Variants in AAK1 observed in about 807,000 individuals in gnomAD.
AAK1 encodes the protein AP2 associated kinase 1, also known as AP2-associated protein kinase 1.
Under a neutral mutation model 116.0 loss-of-function variants are expected in AAK1, and 37 were observed. That is an observed-to-expected ratio of 0.32 (90% CI 0.25 to 0.42). The LOEUF is 0.42. Ranked by LOEUF, AAK1 falls within the 10% of genes least tolerant of loss-of-function variation. AAK1 has a pLI of 1.00. For synonymous variants in AAK1, 458 were observed against 439.9 expected (o/e 1.04, Z -0.51); for missense variants, 919 against 1,170.6 (o/e 0.79, Z 3.14).
intron 2 of AAK1, among the ~76,000 whole-genome samples, chr2:69,592,783 A>C (rs1254549014): frequency 6.6e-6 from 1 of 152,328 alleles, no homozygotes; most frequent in Admixed American, 6.5e-5. Context: ...CTCATTTAAC[A>C]TCTCTTCTTC....
At chr2:69,498,480 C>T (rs1472080698) in intron 16 of AAK1, among the ~76,000 whole-genome samples, 4 of 152,160 alleles carry the variant, frequency 2.6e-5, no homozygotes, top group East Asian at 3.8e-4. Context: ...CCACATTTCT[C>T]GTAGTCAGTG....
intron 17 of AAK1, among the ~76,000 whole-genome samples, chr2:69,484,943 GA>G (rs1292682154): frequency 2.0e-5 from 3 of 151,430 alleles, no homozygotes; most frequent in African/African-American, 7.3e-5. Flanking sequence ...TCAGTTGCAG[GA>G]AAAAAACCCT....
chr2:69,626,152 C>A (rs1207251576), intron 2 of AAK1, among the ~76,000 whole-genome samples: 1 of 152,102 alleles, frequency 6.6e-6, no homozygotes, highest in Non-Finnish European at 1.5e-5. Flanking sequence ...AATGATACCC[C>A]AGTACTGTAT....
intron 5 of AAK1, among the ~76,000 whole-genome samples, chr2:69,532,832 T>A (rs1033507403): frequency 6.6e-6 from 1 of 152,214 alleles, no homozygotes; most frequent in East Asian, 1.9e-4. Flanking sequence ...TTGCCCTAAT[T>A]TTTTAAATAA....
In AAK1 at chr2:69,472,680, T is replaced by A; in HGVS notation, c.*3189A>T. 1.0e-6 allele frequency: 1 copy of A among 985,460 alleles called. No homozygotes were observed. Among genetic ancestry groups the A allele is most frequent in the Non-Finnish European group, 1.2e-6 (1 of 829,918 alleles). 61.0% of individuals were successfully genotyped at this position (985,460 alleles called of 1,614,324 possible). On this transcript the variant is annotated 3_prime_UTR_variant, in exon 22 of 22. Coordinates refer to ENST00000409085, the MANE Select transcript of AAK1 (RefSeq NM_014911.5). ...AAAGGGAAAAATCAATTTGTCATGT[T>A]TTCTGCTATAGTTACTCCTCTTACA...
At chr2:69,506,867 C>CCT (rs1224432529) in intron 15 of AAK1, among the ~76,000 whole-genome samples, 7 of 86,176 alleles carry the variant, frequency 8.1e-5, no homozygotes, top group African/African-American at 3.9e-4. Context: ...TGTGCATGTG[C>CCT]CTGTGTGTGT....
intron 2 of AAK1, among the ~76,000 whole-genome samples, chr2:69,565,986 T>C (rs1219620003): frequency 9.9e-6 from 1 of 100,976 alleles, no homozygotes; most frequent in African/African-American, 3.8e-5. Context: ...CAGGTGGGAG[T>C]GTGTCCTCTC....
In AAK1 at chr2:69,460,421, A is replaced by G. The variant is rs1487582147; in HGVS notation, c.*15448T>C. The G allele has an allele frequency of 6.6e-6, 1 of 152,630 alleles. No individual in the cohort carries two copies. Among genetic ancestry groups the G allele is most frequent in the African/African-American group, 2.4e-5 (1 of 41,440 alleles). 9.5% of individuals were successfully genotyped at this position (152,630 alleles called of 1,614,324 possible). A position where few individuals can be genotyped will look rare whatever the true frequency, so the allele number is the denominator to read the frequency against. ...ATTTCCTTGTCAGATCACTCTGATG[A>G]TTATAATCTGCTACTTTGATTATGC... On this transcript the variant is annotated 3_prime_UTR_variant, in exon 22 of 22. Coordinates refer to ENST00000409085, the MANE Select transcript of AAK1 (RefSeq NM_014911.5).
rs536489771 is a variant in AAK1 at position 69,536,972 on chromosome 2, G to A, written c.535-4810C>T. 9.3e-4 allele frequency among the ~76,000 whole-genome samples: 142 copies of A among 152,316 alleles called. No homozygotes were observed. In the Middle Eastern group the frequency reaches 0.01, roughly 11 times the overall value. ...CTTTTGACATGAATGTGCATGTTAA[G>A]CCTTAACCCTTTCTTCTCCTTTCTT... On this transcript the variant is annotated intron_variant, in intron 5 of 21. Transcript: ENST00000409085.
intron 2 of AAK1, among the ~76,000 whole-genome samples, chr2:69,568,724 CCCT>C (rs1558968650): frequency 6.6e-6 from 1 of 152,206 alleles, no homozygotes; most frequent in Non-Finnish European, 1.5e-5. Flanking sequence ...TCTGCCCTGA[CCCT>C]CCTATGTTCT....
chr2:69,620,215 T>C (rs188950483), intron 2 of AAK1, among the ~76,000 whole-genome samples: 1 of 152,290 alleles, frequency 6.6e-6, no homozygotes, highest in Admixed American at 6.5e-5. Flanking sequence ...TCTGATAAAC[T>C]GAATGACAAG....
Position 69,514,483 on chromosome 2 carries a change from G to T in AAK1, c.1764C>A (p.Ala588=). 6.5e-7 allele frequency: 1 copy of T among 1,546,724 alleles called. No homozygotes were observed. Among genetic ancestry groups the T allele is most frequent in the South Asian group, 1.2e-5 (1 of 83,356 alleles). The change falls in exon 13 of 22, where the codon GCC becomes GCA. Residue 588 remains alanine, a synonymous_variant. Coordinates refer to ENST00000409085, the MANE Select transcript of AAK1 (RefSeq NM_014911.5). ...QPAAAPQPAP[A]QEPAIQAPVR... Reference sequence around the variant, plus strand: ...GGTTGATTCTTACCGCTGGCTCCTGGGCAGGGGCTGGCTGTGGGGCTGCAG... The same window carrying T: ...GGTTGATTCTTACCGCTGGCTCCTGTGCAGGGGCTGGCTGTGGGGCTGCAG...
intron 2 of AAK1, among the ~76,000 whole-genome samples, chr2:69,634,776 C>T (rs1165014521): frequency 6.6e-6 from 1 of 152,182 alleles, no homozygotes; most frequent in Non-Finnish European, 1.5e-5. Flanking sequence ...TTCATGGAAC[C>T]TTGCTGCATC....
intron 2 of AAK1, among the ~76,000 whole-genome samples, chr2:69,577,826 T>C (rs980824796): frequency 6.6e-6 from 1 of 152,090 alleles, no homozygotes; most frequent in South Asian, 2.1e-4. Context: ...CACATTCCCA[T>C]GGGGGCTAGC....
chr2:69,602,740 CT>C (rs1248200116), intron 2 of AAK1, among the ~76,000 whole-genome samples: 3 of 152,120 alleles, frequency 2.0e-5, no homozygotes, highest in Middle Eastern at 3.2e-3. Flanking sequence ...TGAGCAAAGA[CT>C]TCAGAGCTGT....
chr2:69,576,071 C>G (rs1672303342), intron 2 of AAK1, among the ~76,000 whole-genome samples: 1 of 152,160 alleles, frequency 6.6e-6, no homozygotes, highest in African/African-American at 2.4e-5. Flanking sequence ...TGAAAGTACC[C>G]TGGAGCGGGG....
At chr2:69,611,763 G>A (rs1460883645) in intron 2 of AAK1, among the ~76,000 whole-genome samples, 1 of 152,166 alleles carries the variant, frequency 6.6e-6, no homozygotes, top group African/African-American at 2.4e-5. Context: ...ATCAACAGAT[G>A]AATGGATAAG....
chr2:69,643,086 T>TA lies in AAK1; in HGVS notation c.-47_-46insT. On this transcript the variant is annotated 5_prime_UTR_variant, in exon 2 of 22. Coordinates refer to ENST00000409085, the MANE Select transcript of AAK1 (RefSeq NM_014911.5). ...AAGCAAAATACCGATGGTTTCTAGA[T>TA]TTTTTTTTTTTTTTTTTTTTTTTAA... The TA allele has an allele frequency of 2.8e-5, 2 of 72,094 alleles. No individual in the cohort carries two copies. The highest frequency in any genetic ancestry group is 5.1e-5 in the Non-Finnish European group (2 of 39,068). The allele number at this position is 72,094 out of a possible 1,614,324, so 4.5% of individuals were successfully genotyped here. A position where few individuals can be genotyped will look rare whatever the true frequency, so the allele number is the denominator to read the frequency against.
chr2:69,541,132 G>A (rs527760812), intron 5 of AAK1, among the ~76,000 whole-genome samples: 1 of 152,038 alleles, frequency 6.6e-6, no homozygotes, highest in Non-Finnish European at 1.5e-5. Context: ...TGGATACAGG[G>A]TTTCTTTTGG....
Sources: allele counts gnomAD v4.1 joint callset (sites outside exome capture counted in the v4.1 genomes callset), GRCh38; gene constraint gnomAD v4.1.1; transcripts MANE v1.5; gene names NCBI Gene and HGNC (gene_info 2026-07-23, HGNC 2026-07-21).